RTKN2: variants seen among roughly 807,000 people sequenced by gnomAD.
RTKN2 encodes the protein rhotekin 2.
Under a neutral mutation model 71.5 loss-of-function variants are expected in RTKN2, and 69 were observed. The ratio of observed to expected loss-of-function variants is 0.96; its 90% CI spans 0.79 to 1.18. RTKN2 has a LOEUF of 1.18. Ranked by LOEUF, RTKN2 falls within the 50% of genes most tolerant of loss-of-function variation. RTKN2 has a pLI of 0.00. For missense variants in RTKN2, 724 were observed against 719.7 expected, an observed-to-expected ratio of 1.01 and a Z score of -0.07; for synonymous variants, 236 against 236.5, an observed-to-expected ratio of 1.00 and a Z score of 0.02.
At chr10:62,250,779 G>A (rs1842565769) in intron 2 of RTKN2, among the ~76,000 whole-genome samples, 1 of 152,118 alleles carries the variant, frequency 6.6e-6, no homozygotes, top group Non-Finnish European at 1.5e-5. Context: ...ACAGGCACAT[G>A]CCACCATGCC....
chr10:62,203,830 T>C (rs913478800), intron 10 of RTKN2, among the ~76,000 whole-genome samples: 2 of 152,188 alleles, frequency 1.3e-5, no homozygotes, highest in Non-Finnish European at 1.5e-5. Flanking sequence ...AGTTTTCTCA[T>C]CTTCAGAGCA....
At chr10:62,223,607 A>C (rs1226575911) in intron 6 of RTKN2, among the ~76,000 whole-genome samples, 1 of 152,194 alleles carries the variant, frequency 6.6e-6, no homozygotes, top group Non-Finnish European at 1.5e-5. Context: ...GGAAATGTAA[A>C]TCAAAACCAC....
chr10:62,218,629 T>C (rs534180470), intron 7 of RTKN2, among the ~76,000 whole-genome samples: 6 of 152,344 alleles, frequency 3.9e-5, no homozygotes, highest in Middle Eastern at 3.4e-3. Flanking sequence ...TGATCTCATT[T>C]AATATAAAAA....
chr10:62,201,165 A>C (rs958097623), intron 10 of RTKN2, among the ~76,000 whole-genome samples: 1 of 152,146 alleles, frequency 6.6e-6, no homozygotes, highest in African/African-American at 2.4e-5. Flanking sequence ...TAATACACTT[A>C]TGTTGTATAT....
Position 62,195,945 on chromosome 10 carries a change from C to T in RTKN2, c.*1963G>A, listed in dbSNP as rs1223606999. On this transcript the variant is annotated 3_prime_UTR_variant, in exon 12 of 12. Transcript: ENST00000373789. ...GTATGAATACTTTCTTTTTCTTATA[C>T]ACCTTAAGTCCTTCCTGCTGTTATC... is the stretch of plus-strand genomic sequence containing the variant. 4 of 984,978 alleles carry T rather than the reference C, an allele frequency of 4.1e-6. No individual in the cohort carries two copies. The highest frequency in any genetic ancestry group is 4.8e-6 in the Non-Finnish European group (4 of 829,798). 61.0% of individuals were successfully genotyped at this position (984,978 alleles called of 1,614,324 possible).
intron 8 of RTKN2, among the ~76,000 whole-genome samples, chr10:62,217,682 A>G (rs1841805232): frequency 6.6e-6 from 1 of 152,208 alleles, no homozygotes; most frequent in Non-Finnish European, 1.5e-5. Context: ...ACCCTTTAAG[A>G]ATGCAAATTT....
At position 62,193,245 on chromosome 10, in the gene RTKN2, T is replaced by C; in HGVS notation, c.*4663A>G. 1 of 941,050 alleles carries C rather than the reference T, an allele frequency of 1.1e-6. No homozygotes were observed. The highest frequency in any genetic ancestry group is 1.3e-6 in the Non-Finnish European group (1 of 789,536). The allele number at this position is 941,050 out of a possible 1,614,324, so 58.3% of individuals were successfully genotyped here. A position where few individuals can be genotyped will look rare whatever the true frequency, so the allele number is the denominator to read the frequency against. On this transcript the variant is annotated 3_prime_UTR_variant, in exon 12 of 12. Transcript: ENST00000373789. ...TGATATCTTGAACCATCTGACATAATTATGTATATACAAGATCTTTTCAAT... is the reference window on the plus strand; with the variant it reads ...TGATATCTTGAACCATCTGACATAACTATGTATATACAAGATCTTTTCAAT...
At chr10:62,230,087 A>G (rs1842116360) in intron 6 of RTKN2, among the ~76,000 whole-genome samples, 1 of 152,226 alleles carries the variant, frequency 6.6e-6, no homozygotes, top group Non-Finnish European at 1.5e-5. Flanking sequence ...GCTTGAAATG[A>G]TAAAAATTAT....
chr10:62,255,458 A>G (rs1842657266), intron 2 of RTKN2, among the ~76,000 whole-genome samples: 1 of 152,228 alleles, frequency 6.6e-6, no homozygotes, highest in African/African-American at 2.4e-5. Flanking sequence ...CTTAGTGACT[A>G]TAAATGATAA....
chr10:62,219,870 G>T (rs1377761649), intron 7 of RTKN2, among the ~76,000 whole-genome samples: 1 of 152,040 alleles, frequency 6.6e-6, no homozygotes, highest in Non-Finnish European at 1.5e-5. Flanking sequence ...AAAACATTAA[G>T]ATAGTCCTTT....
At chr10:62,243,840 C>T (rs987865753) in intron 3 of RTKN2, among the ~76,000 whole-genome samples, 2 of 152,100 alleles carry the variant, frequency 1.3e-5, no homozygotes, top group Non-Finnish European at 2.9e-5. Flanking sequence ...TTGATGCTAT[C>T]AAGTCCCAGA....
chr10:62,262,700 C>T lies in RTKN2; in HGVS notation c.182G>A (p.Cys61Tyr), dbSNP rs199971590. ...VLHAVKNLMV[C>Y]NARLMAYTSE... ...TGTATAGGCCATTAGTCGAGCATTG[C>T]ACACCATGAGATTCTTAACTGCATG... is the stretch of plus-strand genomic sequence containing the variant. Residue 61 changes from cysteine (C) to tyrosine (Y), a missense_variant, in exon 2 of 12, where the codon TGC (cysteine) becomes TAC (tyrosine). By Grantham distance (194) the Cys-to-Tyr change is radical. Transcript: ENST00000373789. The T allele has an allele frequency of 2.8e-5, 45 of 1,613,534 alleles. No homozygotes were observed. Among genetic ancestry groups the T allele is most frequent in the Non-Finnish European group, 3.8e-5 (45 of 1,179,550 alleles).
intron 1 of RTKN2, 130 bp from the exon 2 acceptor site, chr10:62,262,951 G>T (rs1318100246): frequency 9.3e-6 from 5 of 536,474 alleles, no homozygotes; most frequent in South Asian, 3.2e-5. Flanking sequence ...TATATGTAGT[G>T]TAAAAATAGC....
In RTKN2 at chr10:62,196,476, T is replaced by C; in HGVS notation, c.*1432A>G. 1 of 985,286 alleles carries C rather than the reference T, an allele frequency of 1.0e-6. No individual in the cohort carries two copies. The highest frequency in any genetic ancestry group is 1.1e-4 in the East Asian group (1 of 8,818). The allele number at this position is 985,286 out of a possible 1,614,324, so 61.0% of individuals were successfully genotyped here. ...CAAAAGTGTCCTGGCAGTTACATCA[T>C]TCTCTATAAATGGAAAAGACCCCGC... is the stretch of plus-strand genomic sequence containing the variant. On this transcript the variant is annotated 3_prime_UTR_variant, in exon 12 of 12. Transcript: ENST00000373789.
chr10:62,204,729 T>C lies in RTKN2; in HGVS notation c.1186+128A>G, dbSNP rs941267258. 2.4e-5 allele frequency: 14 copies of C among 582,866 alleles called. No individual in the cohort carries two copies. The African/African-American group carries it at 2.7e-4, about 11-fold the overall frequency. The allele number at this position is 582,866 out of a possible 1,614,324, so 36.1% of individuals were successfully genotyped here. On this transcript the variant is annotated intron_variant, in intron 10 of 11. Coordinates refer to ENST00000373789, the MANE Select transcript of RTKN2 (RefSeq NM_145307.4). ...AAGAAGCATCAGTGCATTGATGATA[T>C]ACTACCATTCTTTCAAGAACATAAA...
chr10:62,193,279 C>A lies in RTKN2; in HGVS notation c.*4629G>T. ...TACAAGATCTTTTCAATCTACCTCT[C>A]CTTTAGTAGTTACATTAAGAGATTA... On this transcript the variant is annotated 3_prime_UTR_variant, in exon 12 of 12. Coordinates refer to ENST00000373789, the MANE Select transcript of RTKN2 (RefSeq NM_145307.4). 5.1e-6 allele frequency: 5 copies of A among 971,474 alleles called. No homozygotes were observed. Among genetic ancestry groups the A allele is most frequent in the Non-Finnish European group, 6.1e-6 (5 of 817,298 alleles). The allele number at this position is 971,474 out of a possible 1,614,324, so 60.2% of individuals were successfully genotyped here.
intron 2 of RTKN2, among the ~76,000 whole-genome samples, chr10:62,258,833 T>TA (rs570632955): frequency 6.6e-6 from 1 of 151,874 alleles, no homozygotes; most frequent in Admixed American, 6.6e-5. Flanking sequence ...GAGCAATAGT[T>TA]AAAAAAAAGC....
chr10:62,241,618 G>T (rs1842376306), intron 3 of RTKN2, among the ~76,000 whole-genome samples: 1 of 151,820 alleles, frequency 6.6e-6, no homozygotes, highest in Non-Finnish European at 1.5e-5. Context: ...TTGCTCTGTT[G>T]CTCAGGCTGG....
intron 6 of RTKN2, among the ~76,000 whole-genome samples, chr10:62,224,548 T>C (rs1841978908): frequency 6.6e-6 from 1 of 151,694 alleles, no homozygotes; most frequent in South Asian, 2.1e-4. Flanking sequence ...CATTCAATGG[T>C]AAACAAGATC....
Sources: allele counts gnomAD v4.1 joint callset (sites outside exome capture counted in the v4.1 genomes callset), GRCh38; gene constraint gnomAD v4.1.1; transcripts MANE v1.5; gene names NCBI Gene and HGNC (gene_info 2026-07-23, HGNC 2026-07-21).